The following ARHGEF26 variants were observed in gnomAD, a reference collection of about 807,000 sequenced individuals.
ARHGEF26 encodes the protein Rho guanine nucleotide exchange factor (GEF) 26.
ARHGEF26 carries 59 observed loss-of-function variants against 89.4 expected under a neutral mutation model. The observed-to-expected ratio is 0.66, with a 90% CI of 0.54 to 0.82. The LOEUF is 0.82. Ranked by LOEUF, ARHGEF26 falls within the 40% of genes least tolerant of loss-of-function variation. The pLI, the probability that ARHGEF26 is intolerant of heterozygous loss-of-function variation, is 0.00. For missense variants in ARHGEF26, 1,234 were observed against 1,085.6 expected (o/e 1.14, Z -1.92); for synonymous variants, 500 against 428.4 (o/e 1.17, Z -2.06).
At chr3:154,235,440 C>T (rs924810010) in intron 11 of ARHGEF26, among the ~76,000 whole-genome samples, 3 of 152,074 alleles carry the variant, frequency 2.0e-5, no homozygotes, top group Non-Finnish European at 2.9e-5. Flanking sequence ...TTTTTAACAC[C>T]TAATCACTTT....
chr3:154,122,322 G>A lies in ARHGEF26; in HGVS notation c.330G>A (p.Arg110=), dbSNP rs1194360849. ...GGGCTGCCTCTCCTCGACTTCGACG[G>A]CCCAAGTCACCCAAGCTCCCCAAAG... The part of the protein sequence containing the change: ...EYRAASPRLR[R]PKSPKLPKAV... Residue 110 remains arginine, a synonymous_variant, in exon 2 of 15, where the codon CGG becomes CGA. Coordinates refer to ENST00000465093, the MANE Select transcript of ARHGEF26 (RefSeq NM_015595.4). 6.2e-7 allele frequency: 1 copy of A among 1,612,706 alleles called. No individual in the cohort carries two copies.
chr3:154,124,494 A>C (rs1428038913), intron 3 of ARHGEF26, 45 bp downstream of exon 3: 1 of 1,485,770 alleles, frequency 6.7e-7, no homozygotes, highest in Non-Finnish European at 9.0e-7. Flanking sequence ...TTCAATGTGG[A>C]ATACCAATTA....
intron 8 of ARHGEF26, among the ~76,000 whole-genome samples, chr3:154,191,937 T>C (rs1713982308): frequency 6.6e-6 from 1 of 152,222 alleles, no homozygotes; most frequent in African/African-American, 2.4e-5. Flanking sequence ...AGCTTCCTTC[T>C]TGTGTTAGGC....
intron 12 of ARHGEF26, among the ~76,000 whole-genome samples, chr3:154,248,097 TG>T (rs1403831215): frequency 1.3e-5 from 2 of 152,234 alleles, no homozygotes; most frequent in Non-Finnish European, 2.9e-5. Flanking sequence ...AGATGTCATT[TG>T]GGTGTAGTGT....
intron 6 of ARHGEF26, among the ~76,000 whole-genome samples, chr3:154,178,001 C>T (rs1288772135): frequency 4.6e-5 from 7 of 151,988 alleles, no homozygotes; most frequent in Admixed American, 2.0e-4. Context: ...ATGTGGAGTT[C>T]GAGACCAGCC....
At chr3:154,230,952 T>C (rs1716790275) in intron 11 of ARHGEF26, among the ~76,000 whole-genome samples, 1 of 152,174 alleles carries the variant, frequency 6.6e-6, no homozygotes, top group South Asian at 2.1e-4. Context: ...GTTCATGGCC[T>C]GGTTTGGTTC....
chr3:154,211,850 T>G (rs143447553), intron 9 of ARHGEF26, among the ~76,000 whole-genome samples: 2 of 103,010 alleles, frequency 1.9e-5, no homozygotes, highest in African/African-American at 8.6e-5. Flanking sequence ...AATGTATATG[T>G]GTGTGTGTAT....
At chr3:154,193,799 C>G (rs908144544) in intron 8 of ARHGEF26, among the ~76,000 whole-genome samples, 3 of 152,092 alleles carry the variant, frequency 2.0e-5, no homozygotes, top group East Asian at 3.9e-4. Context: ...AATATATCAA[C>G]AGAAAACCTA....
intron 6 of ARHGEF26, 89 bp from the exon 7 acceptor site, chr3:154,187,596 C>T (rs772566646): frequency 1.3e-4 from 147 of 1,159,566 alleles, no homozygotes; most frequent in Non-Finnish European, 1.7e-4. Flanking sequence ...ATTTTCAAAC[C>T]CCGTGTAATA....
intron 4 of ARHGEF26, among the ~76,000 whole-genome samples, chr3:154,143,620 A>G (rs1196368076): frequency 6.6e-6 from 1 of 152,220 alleles, no homozygotes; most frequent in African/African-American, 2.4e-5. Context: ...CATTCTCCTT[A>G]TTAAAATATT....
chr3:154,186,886 C>CT (rs201150057), intron 6 of ARHGEF26, among the ~76,000 whole-genome samples: 22,748 of 80,536 alleles, frequency 0.28, 9,326 homozygotes, highest in Non-Finnish European at 0.39. Flanking sequence ...TTATTTCAGA[C>CT]TTTTTTTTTT....
chr3:154,216,882 G>T, intron 9 of ARHGEF26, among the ~76,000 whole-genome samples: 1 of 77,500 alleles, frequency 1.3e-5, no homozygotes, highest in Non-Finnish European at 2.5e-5. Context: ...TTTTATGGCT[G>T]CATAGTATTC....
intron 6 of ARHGEF26, among the ~76,000 whole-genome samples, chr3:154,157,414 A>G (rs1711498254): frequency 6.6e-6 from 1 of 152,132 alleles, no homozygotes; most frequent in Non-Finnish European, 1.5e-5. Context: ...AGAGCATGAG[A>G]GCAGATGTTC....
At chr3:154,144,469 G>T (rs1419129080) in intron 4 of ARHGEF26, among the ~76,000 whole-genome samples, 2 of 152,208 alleles carry the variant, frequency 1.3e-5, no homozygotes, top group African/African-American at 4.8e-5. Flanking sequence ...TCTGAATCAG[G>T]AATTGACAAG....
chr3:154,136,875 T>G (rs1719042531), intron 4 of ARHGEF26, among the ~76,000 whole-genome samples: 1 of 152,200 alleles, frequency 6.6e-6, no homozygotes, highest in African/African-American at 2.4e-5. Flanking sequence ...TTACCATATC[T>G]TTTTTTGTGT....
chr3:154,137,334 C>T (rs781533161), intron 4 of ARHGEF26, among the ~76,000 whole-genome samples: 22 of 152,166 alleles, frequency 1.4e-4, no homozygotes, highest in African/African-American at 4.1e-4. Context: ...TGCACCACTT[C>T]GGGGCTCTTC....
chr3:154,251,332 G>C lies in ARHGEF26; in HGVS notation c.2301-1784G>C, dbSNP rs16823826. ...TGTTTAGTACCATACCTGACACATA[G>C]GTGCTTCAGAATATTATTTAGAACA... is the stretch of plus-strand genomic sequence containing the variant. On this transcript the variant is annotated intron_variant, in intron 12 of 14. Coordinates refer to ENST00000465093, the MANE Select transcript of ARHGEF26 (RefSeq NM_015595.4). Among the ~76,000 whole-genome samples the C allele has an allele frequency of 7.3e-3, 1,116 of 152,268 alleles. 14 individuals are homozygous for C. The highest frequency in any genetic ancestry group is 0.026 in the African/African-American group (1,082 of 41,546).
At chr3:154,132,218 G>T (rs937396661) in intron 4 of ARHGEF26, among the ~76,000 whole-genome samples, 1 of 151,810 alleles carries the variant, frequency 6.6e-6, no homozygotes. Context: ...TAAACCCATA[G>T]AAAAATTAAA....
chr3:154,226,864 G>A (rs568068107), intron 11 of ARHGEF26, among the ~76,000 whole-genome samples: 5 of 152,162 alleles, frequency 3.3e-5, no homozygotes, highest in Non-Finnish European at 7.3e-5. Context: ...GGCCTGAATT[G>A]ATGGCATATG....
Sources: gnomAD v4.1 joint callset for allele counts (sites outside exome capture counted in the v4.1 genomes callset) on GRCh38, gnomAD v4.1.1 for gene constraint, MANE v1.5 for transcripts, NCBI Gene and HGNC (gene_info 2026-07-23, HGNC 2026-07-21) for gene names.